The following ACCSL variants were observed in gnomAD, a reference collection of about 807,000 sequenced individuals.
ACCSL encodes the protein 1-aminocyclopropane-1-carboxylate synthase homolog (inactive) like, also known as probable inactive 1-aminocyclopropane-1-carboxylate synthase-like protein 2.
A neutral mutation model predicts 61.7 loss-of-function variants in ACCSL; 55 were observed. The observed-to-expected ratio is 0.89, with a 90% CI of 0.72 to 1.12. The LOEUF (loss-of-function observed/expected upper bound fraction) is 1.12, where lower values mean the gene tolerates loss of function less well. ACCSL is among the 50% of genes most tolerant of loss of function. The pLI is 0.00. For missense variants in ACCSL, 632 were observed against 698.0 expected, an observed-to-expected ratio of 0.91 and a Z score of 1.07; for synonymous variants, 258 against 264.3, an observed-to-expected ratio of 0.98 and a Z score of 0.23.
the ACCSL span, among the ~76,000 whole-genome samples, chr11:43,935,631 C>T: frequency 7.2e-5 from 11 of 152,204 alleles, no homozygotes; most frequent in African/African-American, 2.7e-4. Flanking sequence ...AGTGAGTGTT[C>T]GACAGATGAC....
At chr11:43,968,340 G>A in the ACCSL span, among the ~76,000 whole-genome samples, 2 of 138,312 alleles carry the variant, frequency 1.4e-5, no homozygotes, top group African/African-American at 2.7e-5. Flanking sequence ...CCCTACCCAC[G>A]ACCCCACACC....
the ACCSL span, among the ~76,000 whole-genome samples, chr11:43,983,289 A>G: frequency 6.6e-6 from 1 of 152,236 alleles, no homozygotes; most frequent in African/African-American, 2.4e-5. Context: ...AATTAATTAG[A>G]GAAAACAGGA....
At chr11:44,024,485 A>G in the ACCSL span, among the ~76,000 whole-genome samples, 2 of 145,366 alleles carry the variant, frequency 1.4e-5, no homozygotes, top group Middle Eastern at 3.3e-3. Context: ...GTGTGTGTGT[A>G]TACATCCTAT....
At chr11:44,045,150 T>C (rs1179451387), upstream of ACCSL, among the ~76,000 whole-genome samples, 3 of 152,116 alleles carry the variant, frequency 2.0e-5, no homozygotes, top group Admixed American at 1.3e-4. Context: ...GAGAACACAT[T>C]TTTGGGACCA....
At chr11:43,933,078 C>G in the ACCSL span, 1 of 456,072 alleles carries the variant, frequency 2.2e-6, no homozygotes, top group Non-Finnish European at 4.4e-6. Context: ...GCCCTCTTCT[C>G]TGTTTTTCCA....
At chr11:43,996,373 G>A in the ACCSL span, among the ~76,000 whole-genome samples, 1 of 152,184 alleles carries the variant, frequency 6.6e-6, no homozygotes, top group South Asian at 2.1e-4. Context: ...GGCGTCAGTG[G>A]CTGTGGGGAG....
chr11:43,976,399 T>C, the ACCSL span, among the ~76,000 whole-genome samples: 2 of 152,242 alleles, frequency 1.3e-5, no homozygotes, highest in African/African-American at 4.8e-5. Flanking sequence ...TGCATTCTAC[T>C]TATATATCCC....
the ACCSL span, among the ~76,000 whole-genome samples, chr11:43,967,167 C>CTT: frequency 0.26 from 15,999 of 61,890 alleles, 4,525 homozygotes; most frequent in East Asian, 0.5. Flanking sequence ...TCTTCTTCTT[C>CTT]TTTTTTTTTT....
intron 3 of ACCSL, 82 bp from the exon 4 acceptor site, chr11:44,051,253 G>C: frequency 6.9e-6 from 10 of 1,451,166 alleles, no homozygotes; most frequent in South Asian, 1.1e-5. Flanking sequence ...AAAGGTCCCT[G>C]TTAGGCTGGA....
chr11:43,945,773 A>AG, the ACCSL span: 1 of 152,026 alleles, frequency 6.6e-6, no homozygotes, highest in Non-Finnish European at 1.5e-5. Context: ...ACCTGAGCCC[A>AG]GGGAGGTGGA....
the ACCSL span, among the ~76,000 whole-genome samples, chr11:43,977,973 A>C: frequency 1.3e-5 from 2 of 148,308 alleles, no homozygotes; most frequent in African/African-American, 5.0e-5. Context: ...GGATGGGAAG[A>C]GTCCTTCCTC....
chr11:44,006,647 A>C, the ACCSL span, among the ~76,000 whole-genome samples: 2 of 151,684 alleles, frequency 1.3e-5, no homozygotes, highest in Non-Finnish European at 2.9e-5. Context: ...CTGGGATTAG[A>C]GACACGCACC....
chr11:43,930,251 T>C, the ACCSL span, among the ~76,000 whole-genome samples: 60 of 152,328 alleles, frequency 3.9e-4, no homozygotes, highest in Admixed American at 5.2e-4. Flanking sequence ...ACTCTGGATC[T>C]TTGTCCTGCC....
At chr11:43,958,180 G>A in the ACCSL span, among the ~76,000 whole-genome samples, 1 of 152,204 alleles carries the variant, frequency 6.6e-6, no homozygotes, top group African/African-American at 2.4e-5. Context: ...AATTTTACCA[G>A]CGATTATTCA....
chr11:44,040,727 T>G, the ACCSL span, among the ~76,000 whole-genome samples: 2 of 151,732 alleles, frequency 1.3e-5, no homozygotes, highest in Non-Finnish European at 2.9e-5. Context: ...GGATGTAGAG[T>G]GAGAGAGGTA....
At chr11:43,933,239 C>T in the ACCSL span, 3 of 453,466 alleles carry the variant, frequency 6.6e-6, no homozygotes, top group Admixed American at 2.4e-5. Context: ...GCTACAAGCC[C>T]AGTCTCTATG....
chr11:43,997,054 A>G, the ACCSL span, among the ~76,000 whole-genome samples: 129,456 of 151,712 alleles, frequency 0.85, 55,337 homozygotes, highest in African/African-American at 0.9. Context: ...CAGGTGATCC[A>G]CCCGCCTCAG....
chr11:44,056,116 G>T (rs1218957477), intron 10 of ACCSL, 31 bp downstream of exon 10: 1 of 1,614,174 alleles, frequency 6.2e-7, no homozygotes, highest in Non-Finnish European at 8.5e-7. Context: ...CTTGGCTAGG[G>T]AAGGAGGAGG....
chr11:44,039,820 G>C, the ACCSL span, among the ~76,000 whole-genome samples: 1 of 152,232 alleles, frequency 6.6e-6, no homozygotes, highest in Non-Finnish European at 1.5e-5. Context: ...CCTTGGCCTT[G>C]CTTCTGTGTA....
Sources: allele counts gnomAD v4.1 joint callset (sites outside exome capture counted in the v4.1 genomes callset), GRCh38; gene constraint gnomAD v4.1.1; transcripts MANE v1.5; gene names NCBI Gene and HGNC (gene_info 2026-07-23, HGNC 2026-07-21).